SUOX: variants seen among roughly 807,000 people sequenced by gnomAD.
SUOX encodes the protein sulfite oxidase, also known as sulfite oxidase, mitochondrial.
SUOX carries 39 observed loss-of-function variants against 41.9 expected under a neutral mutation model. The ratio of observed to expected loss-of-function variants is 0.93; its 90% confidence interval spans 0.72 to 1.21. The LOEUF is 1.21. Ranked by LOEUF, SUOX falls within the 50% of genes most tolerant of loss-of-function variation. The probability of loss-of-function intolerance (pLI) is 0.00; values close to 1 mark genes in which losing one functional copy is unlikely to be tolerated. For missense variants in SUOX, 633 were observed against 689.5 expected, an observed-to-expected ratio of 0.92 and a Z score of 0.92; for synonymous variants, 220 against 268.4, an observed-to-expected ratio of 0.82 and a Z score of 1.76.
intron 3 of SUOX, 109 bp downstream of exon 3, chr12:56,002,380 G>C: frequency 6.7e-7 from 1 of 1,498,970 alleles, no homozygotes; most frequent in Non-Finnish European, 9.2e-7. Flanking sequence ...TGTGTCCAGG[G>C]AGGACAGAGA....
chr12:56,002,888 G>A, intron 4 of SUOX, 168 bp downstream of exon 4: 4 of 679,012 alleles, frequency 5.9e-6, no homozygotes, highest in South Asian at 3.4e-5. Flanking sequence ...TTAGCCAGGT[G>A]TGGTGGTACA....
At chr12:55,999,855 C>T (rs1193640078) in intron 2 of SUOX, among the ~76,000 whole-genome samples, 1 of 152,104 alleles carries the variant, frequency 6.6e-6, no homozygotes, top group Non-Finnish European at 1.5e-5. Flanking sequence ...TCTCCACATC[C>T]CCACCAGATT....
At chr12:56,002,444 A>C in intron 3 of SUOX, 99 bp from the exon 4 acceptor site, 2 of 1,562,210 alleles carry the variant, frequency 1.3e-6, no homozygotes, top group African/African-American at 2.7e-5. Flanking sequence ...TTCCAACTTA[A>C]GGAACCAATG....
chr12:56,001,306 T>C (rs1890518920), intron 2 of SUOX: 1 of 150,408 alleles, frequency 6.6e-6, no homozygotes, highest in Admixed American at 6.7e-5. Flanking sequence ...TGAATTTTTG[T>C]AGAGACAGGT....
intron 2 of SUOX, chr12:56,001,484 T>C (rs1277675829): frequency 6.5e-6 from 1 of 152,778 alleles, no homozygotes; most frequent in Non-Finnish European, 1.5e-5. Flanking sequence ...TATGTATGTA[T>C]GGGGGAAAAA....
chr12:56,004,700 T>G lies in SUOX; in HGVS notation c.1311T>G (p.Thr437=). Reference sequence around the variant, plus strand: ...TCACAGAGCCCCGGGATGGAGAGACTGTAGAATCAGGGGAGGTGACCATCA... The same window carrying G: ...TCACAGAGCCCCGGGATGGAGAGACGGTAGAATCAGGGGAGGTGACCATCA... ...SAITEPRDGE[T]VESGEVTIKG... The change falls in exon 5 of 5, where the codon ACT becomes ACG. Residue 437 remains threonine (T), a synonymous_variant. Transcript: ENST00000266971. This position sits in a 1 kb window ranked among gnomAD's most constrained non-coding sequence, Gnocchi z 4.5. The G allele has an allele frequency of 6.2e-7, 1 of 1,614,138 alleles. No individual in the cohort carries two copies. Among genetic ancestry groups the G allele is most frequent in the Non-Finnish European group, 8.5e-7 (1 of 1,180,034 alleles).
chr12:56,000,404 G>C (rs1219150447), intron 2 of SUOX, among the ~76,000 whole-genome samples: 1 of 152,248 alleles, frequency 6.6e-6, no homozygotes, highest in African/African-American at 2.4e-5. Context: ...GCCCCTCATT[G>C]CCCGGGGCCG....
At chr12:56,002,992 C>T in intron 4 of SUOX, 1 of 350,792 alleles carries the variant, frequency 2.9e-6, no homozygotes, top group Non-Finnish European at 5.4e-6. Context: ...AAGATCAGGC[C>T]ACTGCTCTCC....
intron 2 of SUOX, among the ~76,000 whole-genome samples, chr12:56,000,467 C>G (rs1420903631): frequency 6.6e-6 from 1 of 152,210 alleles, no homozygotes; most frequent in Non-Finnish European, 1.5e-5. Context: ...CACGCCCACC[C>G]GGAACTCCAG....
chr12:56,002,293 C>T (rs1260176531), intron 3 of SUOX, 22 bp downstream of exon 3: 9 of 1,609,052 alleles, frequency 5.6e-6, no homozygotes, highest in Non-Finnish European at 7.6e-6. Context: ...CATCCCAGGA[C>T]TTGCCTCCTA....
chr12:55,998,300 C>T (rs905386576), intron 2 of SUOX, among the ~76,000 whole-genome samples: 2 of 149,542 alleles, frequency 1.3e-5, no homozygotes, highest in Admixed American at 1.3e-4. Flanking sequence ...AATCCCAGGA[C>T]TTTGTGAGAC....
At position 55,997,636 on chromosome 12, in the gene SUOX, C is replaced by G. The variant is rs1890355535; in HGVS notation, c.-98C>G. On this transcript the variant is annotated 5_prime_UTR_variant, in exon 2 of 5. Transcript: ENST00000266971. Reference sequence around the variant, plus strand: ...ACAGCAAAAGGCTGTCCCTCCCAAACCTGGGATTCTGGGCTCACTGAGTTC... The same window carrying G: ...ACAGCAAAAGGCTGTCCCTCCCAAAGCTGGGATTCTGGGCTCACTGAGTTC... 1 of 152,338 alleles carries G rather than the reference C, an allele frequency of 6.6e-6. No individual in the cohort carries two copies. Among genetic ancestry groups the G allele is most frequent in the African/African-American group, 2.4e-5 (1 of 41,442 alleles). 9.4% of individuals were successfully genotyped at this position (152,338 alleles called of 1,614,324 possible). A position where few individuals can be genotyped will look rare whatever the true frequency, so the allele number is the denominator to read the frequency against.
rs1451520688 is a variant in SUOX, at chr12:56,002,805, T to C, written c.228+85T>C. On this transcript the variant is annotated intron_variant, in intron 4 of 4. Coordinates refer to ENST00000266971, the MANE Select transcript of SUOX (RefSeq NM_001032386.2). ...ATCCCAGCACTATAGGAGGCCAAGG[T>C]GGGTGGGTCACTTGAGGTTAGGAGT... 6 of 1,545,860 alleles carry C rather than the reference T, an allele frequency of 3.9e-6. No individual in the cohort carries two copies. The Admixed American group carries it at 6.8e-5, about 18-fold the overall frequency.
Position 56,004,153 on chromosome 12 carries a change from G to A in SUOX, c.764G>A (p.Arg255Lys), listed in dbSNP as rs371871924. 1.2e-6 allele frequency: 2 copies of A among 1,614,042 alleles called. No individual in the cohort carries two copies. Among genetic ancestry groups the A allele is most frequent in the Non-Finnish European group, 1.7e-6 (2 of 1,180,044 alleles). Residue 255 changes from arginine to lysine, a missense_variant, in exon 5 of 5, where the codon AGG (arginine) becomes AAG (lysine). Physicochemically the swap from Arg to Lys is conservative, Grantham distance 26. Coordinates refer to ENST00000266971, the MANE Select transcript of SUOX (RefSeq NM_001032386.2). The surrounding 1 kb of genome is among the most constrained non-coding windows in gnomAD (Gnocchi z 4.5). ...LSLDDLHNFP[R>K]YEITVTLQCA... ...CTGGATGACTTGCACAACTTTCCCA[G>A]GTACGAGATCACAGTCACTCTGCAG...
chr12:56,003,059 A>G, intron 4 of SUOX: 1 of 326,324 alleles, frequency 3.1e-6, no homozygotes, highest in Non-Finnish European at 5.9e-6. Flanking sequence ...TTGTCAGAAT[A>G]AAGGAATCAG....
Position 56,004,348 on chromosome 12 carries a change from G to A in SUOX, c.959G>A (p.Gly320Glu), listed in dbSNP as rs1346437295. The change falls in exon 5 of 5, where the codon GGA (glycine) becomes GAA (glutamate). Residue 320 changes from glycine (G) to glutamate (E), a missense_variant. Coordinates refer to ENST00000266971, the MANE Select transcript of SUOX (RefSeq NM_001032386.2). The surrounding 1 kb of genome is among the most constrained non-coding windows in gnomAD (Gnocchi z 4.5). The part of the protein sequence containing the change: ...CETEAHVCFE[G>E]LDSDPTGTAY... ...ACTGAGGCCCACGTCTGCTTTGAGGGACTGGACTCAGACCCTACTGGGACT... is the reference window on the plus strand; with the variant it reads ...ACTGAGGCCCACGTCTGCTTTGAGGAACTGGACTCAGACCCTACTGGGACT... The A allele has an allele frequency of 6.2e-7, 1 of 1,614,024 alleles. No homozygotes were observed. Among genetic ancestry groups the A allele is most frequent in the East Asian group, 2.2e-5 (1 of 44,902 alleles).
At chr12:56,001,986 C>T in intron 2 of SUOX, 2 of 1,420,156 alleles carry the variant, frequency 1.4e-6, no homozygotes, top group Non-Finnish European at 1.8e-6. Flanking sequence ...CCTCCTACCC[C>T]ATTCCCCACC....
chr12:56,000,310 G>A (rs1006632990), intron 2 of SUOX, among the ~76,000 whole-genome samples: 1 of 152,238 alleles, frequency 6.6e-6, no homozygotes, highest in African/African-American at 2.4e-5. Flanking sequence ...GCTAAGGCCC[G>A]GCGAGAAATC....
At position 56,005,021 on chromosome 12, in the gene SUOX, C is replaced by A; in HGVS notation, c.1632C>A (p.Ser544=). ...GGCATCGTGTCCATGTCTATGTCTC[C>A]CCATGAGCATGGAAAGGAGCCACCT... The part of the protein sequence containing the change: ...NAWHRVHVYV[S]P Residue 544 remains serine (S), a synonymous_variant, in exon 5 of 5, where the codon TCC becomes TCA. Coordinates refer to ENST00000266971, the MANE Select transcript of SUOX (RefSeq NM_001032386.2). 1 of 1,611,350 alleles carries A rather than the reference C, an allele frequency of 6.2e-7. No homozygotes were observed. The highest frequency in any genetic ancestry group is 2.2e-5 in the East Asian group (1 of 44,888).
Sources: allele counts gnomAD v4.1 joint callset (sites outside exome capture counted in the v4.1 genomes callset), GRCh38; gene constraint gnomAD v4.1.1; non-coding constraint Gnocchi (gnomAD v3.1); transcripts MANE v1.5; gene names NCBI Gene and HGNC (gene_info 2026-07-23, HGNC 2026-07-21).